The following NLGN3 variants were observed in gnomAD, a reference collection of about 807,000 sequenced individuals.
NLGN3 encodes the protein neuroligin 3.
In NLGN3, 11 loss-of-function variants were observed where a neutral mutation model predicts 42.9. That is an observed-to-expected ratio of 0.26 (90% CI 0.16 to 0.42). The LOEUF (loss-of-function observed/expected upper bound fraction) is 0.42, where lower values mean the gene tolerates loss of function less well. Among genes scored for constraint, NLGN3 ranks in the 10% least tolerant of loss-of-function variants. The pLI is 1.00. For missense variants in NLGN3, 374 were observed against 733.8 expected, an observed-to-expected ratio of 0.51 and a Z score of 5.67; for synonymous variants, 279 against 312.7, an observed-to-expected ratio of 0.89 and a Z score of 1.14.
intron 2 of NLGN3, among the ~76,000 whole-genome samples, 200 bp downstream of exon 2, chrX:71,148,406 A>T (rs955698703): frequency 9.5e-6 from 1 of 105,650 alleles, no homozygotes; most frequent in African/African-American, 3.5e-5. Flanking sequence ...TGTGTGAGTG[A>T]CACTGTTGCC....
chrX:71,146,097 A>C (rs1326258325), intron 1 of NLGN3, among the ~76,000 whole-genome samples: 7 of 66,687 alleles, frequency 1.0e-4, no homozygotes, highest in South Asian at 8.0e-4. Context: ...TAGCCACTTT[A>C]CCCGCCCTCC....
rs374368417 is a variant in NLGN3, at chrX:71,170,840, G to C, written c.*743G>C. 4.0e-6 allele frequency: 3 copies of C among 754,662 alleles called. No individual in the cohort carries two copies. In the African/African-American group the frequency reaches 6.9e-5, roughly 17 times the overall value. The allele number at this position is 754,662 out of a possible 1,213,427, so 62.2% of individuals were successfully genotyped here. On this transcript the variant is annotated 3_prime_UTR_variant, in exon 8 of 8. Coordinates refer to ENST00000358741, the MANE Select transcript of NLGN3 (RefSeq NM_181303.2). ...CTGTGTCCGTGTGGAGGGCTGCAGA[G>C]CCTGCAGGGTGACCTGCTTCCCCAA...
chrX:71,173,729 G>C (rs918942821), downstream of NLGN3, among the ~76,000 whole-genome samples: 1 of 112,569 alleles, frequency 8.9e-6, no homozygotes, highest in African/African-American at 3.2e-5. Flanking sequence ...CCTTGTGCTA[G>C]TTTACATACT....
At position 71,170,292 on chromosome X, in the gene NLGN3, C is replaced by A; in HGVS notation, c.*195C>A. On this transcript the variant is annotated 3_prime_UTR_variant, in exon 8 of 8. Transcript: ENST00000358741. ...ACATGCACCCGCATGTACAAAAACA[C>A]AAATACGGAAGTAAACCTGAACAAA... 9.0e-7 allele frequency: 1 copy of A among 1,112,294 alleles called. No homozygotes were observed. Among genetic ancestry groups the A allele is most frequent in the Non-Finnish European group, 1.2e-6 (1 of 848,689 alleles). 91.7% of individuals were successfully genotyped at this position (1,112,294 alleles called of 1,213,427 possible).
intron 6 of NLGN3, among the ~76,000 whole-genome samples, chrX:71,166,695 G>A (rs1278019193): frequency 8.9e-6 from 1 of 111,860 alleles, no homozygotes; most frequent in Non-Finnish European, 1.9e-5. Flanking sequence ...GGAAGCAAGA[G>A]GGGAAGACAA....
chrX:71,157,792 A>G (rs928278032), intron 5 of NLGN3, among the ~76,000 whole-genome samples: 1 of 110,900 alleles, frequency 9.0e-6, no homozygotes, highest in African/African-American at 3.3e-5. Flanking sequence ...AACTGCAGAA[A>G]TGATGCTCCT....
chrX:71,163,130 G>A (rs748632676), intron 5 of NLGN3, among the ~76,000 whole-genome samples: 1 of 110,705 alleles, frequency 9.0e-6, no homozygotes, highest in East Asian at 2.8e-4. Context: ...AGTCTCCATG[G>A]CAACAAGTCT....
chrX:71,169,310 G>A lies in NLGN3; in HGVS notation c.1760G>A (p.Arg587His), dbSNP rs1170891086. ...AAGTTCATTCACACCAAGGCCAACC[G>A]CTTTGAGGAAGTGGCCTGGTCCAAA... is the stretch of plus-strand genomic sequence containing the variant. Reference protein sequence around the residue: ...DTKFIHTKANRFEEVAWSKYN... With the variant: ...DTKFIHTKANHFEEVAWSKYN... Residue 587 changes from arginine to histidine, a missense_variant, in exon 8 of 8, where the codon CGC becomes CAC. Transcript: ENST00000358741. 8 of 1,208,082 alleles carry A rather than the reference G, an allele frequency of 6.6e-6. No homozygotes were observed. The highest frequency in any genetic ancestry group is 3.5e-5 in the African/African-American group (2 of 56,876).
At chrX:71,175,254 C>T (rs954999540), downstream of NLGN3, among the ~76,000 whole-genome samples, 1 of 111,423 alleles carries the variant, frequency 9.0e-6, no homozygotes, top group Non-Finnish European at 1.9e-5. Context: ...GGAAGATGCT[C>T]CTTTTCCTTC....
In NLGN3 at chrX:71,167,264, C is replaced by T; in HGVS notation, c.1167C>T (p.Ile389=). ...ATGTCATTCCTGATGACCCTGAGAT[C>T]CTCATGGAGCAGGGCGAGTTCCTCA... ...DGDVIPDDPE[I]LMEQGEFLNY... The change falls in exon 7 of 8, where the codon ATC becomes ATT. Residue 389 remains isoleucine (I), a synonymous_variant. Transcript: ENST00000358741. The T allele has an allele frequency of 8.3e-7, 1 of 1,211,659 alleles. No individual in the cohort carries two copies. Among genetic ancestry groups the T allele is most frequent in the Non-Finnish European group, 1.1e-6 (1 of 895,369 alleles).
At chrX:71,168,228 G>T in intron 7 of NLGN3, among the ~76,000 whole-genome samples, 1 of 111,164 alleles carries the variant, frequency 9.0e-6, no homozygotes. Context: ...TGTAGTCCCA[G>T]GTATTTGGGA....
At chrX:71,160,149 G>A (rs2147890509) in intron 5 of NLGN3, among the ~76,000 whole-genome samples, 1 of 107,536 alleles carries the variant, frequency 9.3e-6, no homozygotes, top group Admixed American at 1.0e-4. Flanking sequence ...CTTCCCATCA[G>A]CTTTCCTGAG....
At chrX:71,164,663 A>G (rs921157965) in intron 6 of NLGN3, among the ~76,000 whole-genome samples, 1 of 111,825 alleles carries the variant, frequency 8.9e-6, no homozygotes. Flanking sequence ...TGGGAAGGAC[A>G]TGTTACTTCA....
chrX:71,150,754 G>A (rs756376221), intron 3 of NLGN3, among the ~76,000 whole-genome samples: 1 of 109,037 alleles, frequency 9.2e-6, no homozygotes, highest in South Asian at 4.0e-4. Context: ...ACCTGAAGGA[G>A]AGATGGCATT....
chrX:71,150,718 A>AAG (rs1569483878), intron 3 of NLGN3, among the ~76,000 whole-genome samples: 16 of 102,932 alleles, frequency 1.6e-4, no homozygotes, highest in South Asian at 4.1e-4. Flanking sequence ...AAAAAAAAAA[A>AAG]AAAAGAAAGA....
chrX:71,148,784 G>C (rs2092380744), intron 2 of NLGN3, 62 bp from the exon 3 acceptor site: 1 of 1,032,484 alleles, frequency 9.7e-7, no homozygotes. Flanking sequence ...CTGGGGGGTG[G>C]GGGGTGCATG....
At chrX:71,151,624 G>A (rs145447120) in intron 3 of NLGN3, among the ~76,000 whole-genome samples, 1 of 112,520 alleles carries the variant, frequency 8.9e-6, no homozygotes, top group African/African-American at 3.2e-5. Flanking sequence ...GCTAGGAGCT[G>A]CTCAGGAAGT....
intron 3 of NLGN3, among the ~76,000 whole-genome samples, chrX:71,152,692 A>G (rs1466755257): frequency 9.1e-6 from 1 of 110,325 alleles, no homozygotes; most frequent in African/African-American, 3.3e-5. Context: ...CATTATTCCT[A>G]TCTCTTTGTT....
At chrX:71,168,058 G>A (rs374761632) in intron 7 of NLGN3, among the ~76,000 whole-genome samples, 1 of 111,536 alleles carries the variant, frequency 9.0e-6, no homozygotes, top group East Asian at 2.8e-4. Flanking sequence ...AGAACTATGG[G>A]ATTTAGCCAG....
Sources: gnomAD v4.1 joint callset for allele counts (sites outside exome capture counted in the v4.1 genomes callset) on GRCh38, gnomAD v4.1.1 for gene constraint, MANE v1.5 for transcripts, NCBI Gene and HGNC (gene_info 2026-07-23, HGNC 2026-07-21) for gene names.